Variants in PTPRD observed in about 807,000 individuals in gnomAD.
The protein encoded by PTPRD is protein tyrosine phosphatase receptor type D, also known as receptor-type tyrosine-protein phosphatase delta.
PTPRD carries 34 observed loss-of-function variants against 214.5 expected under a neutral mutation model. The observed-to-expected ratio is 0.16, with a 90% CI of 0.12 to 0.21. The LOEUF (loss-of-function observed/expected upper bound fraction) is 0.21, where lower values mean the gene tolerates loss of function less well. Ranked by LOEUF, PTPRD falls within the 10% of genes least tolerant of loss-of-function variation. The pLI, the probability that PTPRD is intolerant of heterozygous loss-of-function variation, is 1.00. For missense variants in PTPRD, 2,545 were observed against 2,398.7 expected (o/e 1.06, Z -1.27); for synonymous variants, 1,128 against 845.7 (o/e 1.33, Z -5.79).
chr9:9,207,914 A>G (rs1264138341), intron 9 of PTPRD, among the ~76,000 whole-genome samples: 4 of 151,920 alleles, frequency 2.6e-5, no homozygotes, highest in African/African-American at 9.7e-5. Context: ...TCCAAGAGCA[A>G]TCTTCGTAGT....
chr9:8,451,320 AG>A (rs2095939517), intron 33 of PTPRD, among the ~76,000 whole-genome samples: 1 of 152,200 alleles, frequency 6.6e-6, no homozygotes, highest in Admixed American at 6.5e-5. Flanking sequence ...TGTCAGATAC[AG>A]CCTTGGGACA....
chr9:9,155,711 G>T (rs192308076), intron 10 of PTPRD, among the ~76,000 whole-genome samples: 3 of 152,128 alleles, frequency 2.0e-5, no homozygotes, highest in Non-Finnish European at 4.4e-5. Context: ...TTGGATTCAT[G>T]GATAATCATC....
At chr9:8,728,597 T>G (rs541931727) in intron 12 of PTPRD, among the ~76,000 whole-genome samples, 1 of 152,360 alleles carries the variant, frequency 6.6e-6, no homozygotes, top group Admixed American at 6.5e-5. Context: ...ATCCTTTCCT[T>G]TCCTAACTTT....
intron 9 of PTPRD, among the ~76,000 whole-genome samples, chr9:9,370,560 G>A (rs1430038563): frequency 1.3e-5 from 2 of 151,596 alleles, no homozygotes; most frequent in African/African-American, 2.4e-5. Flanking sequence ...TCTGCAAACA[G>A]GGACAATTTG....
At chr9:10,067,731 G>A (rs766995928) in intron 3 of PTPRD, among the ~76,000 whole-genome samples, 12 of 151,908 alleles carry the variant, frequency 7.9e-5, no homozygotes, top group Non-Finnish European at 1.3e-4. Flanking sequence ...TTACTCTAAA[G>A]ACCATGCTTT....
chr9:9,844,477 T>C (rs1174456284), intron 5 of PTPRD, among the ~76,000 whole-genome samples: 3 of 152,090 alleles, frequency 2.0e-5, no homozygotes, highest in East Asian at 1.9e-4. Context: ...AAGGGAACAA[T>C]TGATTTTTAT....
chr9:9,409,033 A>C (rs929856295), intron 8 of PTPRD, among the ~76,000 whole-genome samples: 8 of 152,004 alleles, frequency 5.3e-5, no homozygotes, highest in African/African-American at 1.9e-4. Context: ...AAACTTAGAC[A>C]CAATTATTGA....
At chr9:8,323,415 T>A (rs762092719) in intron 44 of PTPRD, among the ~76,000 whole-genome samples, 33 of 152,230 alleles carry the variant, frequency 2.2e-4, no homozygotes, top group Non-Finnish European at 2.8e-4. Context: ...CTGATAGGTC[T>A]GGGCAAAGTA....
intron 8 of PTPRD, among the ~76,000 whole-genome samples, chr9:9,403,060 C>T (rs113681003): frequency 2.0e-5 from 3 of 148,716 alleles, no homozygotes; most frequent in Admixed American, 1.3e-4. Flanking sequence ...CAGCCAAAGG[C>T]GAGTGGATCA....
In PTPRD at chr9:8,947,499, T is replaced by A. The variant is rs115606312; in HGVS notation, c.-104+71198A>T. 3.6e-3 allele frequency among the ~76,000 whole-genome samples: 547 copies of A among 150,524 alleles called. 1 individual carries two copies. The highest frequency in any genetic ancestry group is 0.012 in the African/African-American group (502 of 40,974). ...AAAAAAGAAAAAAGAAAAAAAAAAGTTACTATGGTAAGGTCTGAGTGTTAG... is the reference window on the plus strand; with the variant it reads ...AAAAAAGAAAAAAGAAAAAAAAAAGATACTATGGTAAGGTCTGAGTGTTAG... On this transcript the variant is annotated intron_variant, in intron 11 of 45. Transcript: ENST00000381196.
At chr9:9,224,078 T>A (rs1474059430) in intron 9 of PTPRD, among the ~76,000 whole-genome samples, 3 of 151,982 alleles carry the variant, frequency 2.0e-5, no homozygotes, top group Admixed American at 1.3e-4. Context: ...CTATAAAGAC[T>A]ACTCAAAGAT....
chr9:10,267,821 C>T (rs533167384), intron 3 of PTPRD, among the ~76,000 whole-genome samples: 1 of 151,936 alleles, frequency 6.6e-6, no homozygotes, highest in East Asian at 1.9e-4. Flanking sequence ...AACTATCTGG[C>T]CATTAAAATT....
At chr9:8,565,940 T>C (rs934237498) in intron 14 of PTPRD, among the ~76,000 whole-genome samples, 1 of 152,194 alleles carries the variant, frequency 6.6e-6, no homozygotes, top group Non-Finnish European at 1.5e-5. Flanking sequence ...ACAAATTTTA[T>C]GAGATTTCAG....
In PTPRD at chr9:10,505,200, C is replaced by T. The variant is rs115365985; in HGVS notation, c.-600+107198G>A. Among the ~76,000 whole-genome samples, 210 of 152,236 alleles carry T rather than the reference C, an allele frequency of 1.4e-3. 1 individual carries two copies. Among genetic ancestry groups the T allele is most frequent in the African/African-American group, 4.6e-3 (190 of 41,536 alleles). ...GATTTCTCAATATGATTAAGGTAGT[C>T]TAATTCAAATTCATTCAGCTTATCT... On this transcript the variant is annotated intron_variant, in intron 2 of 45. Coordinates refer to ENST00000381196, the MANE Select transcript of PTPRD (RefSeq NM_002839.4).
At chr9:9,927,649 C>A (rs370343620) in intron 5 of PTPRD, among the ~76,000 whole-genome samples, 1 of 152,114 alleles carries the variant, frequency 6.6e-6, no homozygotes, top group East Asian at 1.9e-4. Context: ...TCTAAATACA[C>A]CGTGCATCTC....
intron 2 of PTPRD, among the ~76,000 whole-genome samples, chr9:10,353,095 C>A (rs1248023301): frequency 6.6e-6 from 1 of 151,944 alleles, no homozygotes; most frequent in East Asian, 1.9e-4. Context: ...AAACAACTTA[C>A]CAGCTAGTTT....
At chr9:8,337,375 G>T in intron 43 of PTPRD, among the ~76,000 whole-genome samples, 1 of 151,740 alleles carries the variant, frequency 6.6e-6, no homozygotes, top group East Asian at 1.9e-4. Flanking sequence ...ACCAAACACT[G>T]CACTCAAAAG....
intron 11 of PTPRD, among the ~76,000 whole-genome samples, chr9:8,807,323 C>T (rs1303003953): frequency 1.3e-5 from 2 of 151,898 alleles, no homozygotes; most frequent in African/African-American, 2.4e-5. Context: ...GGTGACAGAG[C>T]GAGACTCCAT....
chr9:9,202,603 G>A (rs2099942523), intron 9 of PTPRD, among the ~76,000 whole-genome samples: 1 of 152,038 alleles, frequency 6.6e-6, no homozygotes, highest in African/African-American at 2.4e-5. Flanking sequence ...GGGGATGGGG[G>A]GTGTAGTGGT....
Sources: gnomAD v4.1 joint callset for allele counts (sites outside exome capture counted in the v4.1 genomes callset) on GRCh38, gnomAD v4.1.1 for gene constraint, MANE v1.5 for transcripts, NCBI Gene and HGNC (gene_info 2026-07-23, HGNC 2026-07-21) for gene names.